The following TNNI3K variants were observed in gnomAD, a reference collection of about 807,000 sequenced individuals.
The protein encoded by TNNI3K is serine/threonine-protein kinase TNNI3K.
Under a neutral mutation model 114.5 loss-of-function variants are expected in TNNI3K, and 140 were observed. The ratio of observed to expected loss-of-function variants is 1.22; its 90% CI spans 1.07 to 1.41. TNNI3K has a LOEUF of 1.41. Among genes scored for constraint, TNNI3K ranks in the 40% most tolerant of loss-of-function variants. TNNI3K has a pLI of 0.00. For synonymous variants in TNNI3K, 347 were observed against 347.5 expected, an observed-to-expected ratio of 1.00 and a Z score of 0.02; for missense variants, 1,125 against 1,007.6, an observed-to-expected ratio of 1.12 and a Z score of -1.58.
chr1:74,251,270 G>A (rs942753299), intron 4 of TNNI3K, among the ~76,000 whole-genome samples: 15 of 152,166 alleles, frequency 9.9e-5, no homozygotes, highest in African/African-American at 2.9e-4. Context: ...CTCAGCACCT[G>A]ATAGAATAAT....
rs1452242064 is a variant in TNNI3K, at chr1:74,353,981, A to T, written c.1029A>T (p.Gly343=). 6.2e-7 allele frequency: 1 copy of T among 1,612,504 alleles called. No homozygotes were observed. Residue 343 remains glycine, a splice_region_variant and synonymous_variant, in exon 11 of 25, where the codon GGA becomes GGT. Coordinates refer to ENST00000326637, the MANE Select transcript of TNNI3K (RefSeq NM_015978.3). ...TCTTTCAATTCTTTTCTATTACAGG[A>T]TTACACTCTGCTTGCTACCACGGTC... ...INHQGRDGHT[G]LHSACYHGHI...
chr1:74,484,611 G>T (rs909872490), intron 21 of TNNI3K, among the ~76,000 whole-genome samples: 4 of 152,126 alleles, frequency 2.6e-5, no homozygotes, highest in Admixed American at 2.0e-4. Context: ...AGCTGGAGAA[G>T]GTGAAGGCAT....
chr1:74,492,864 C>G (rs1037340054), intron 23 of TNNI3K, among the ~76,000 whole-genome samples: 1 of 152,164 alleles, frequency 6.6e-6, no homozygotes, highest in Non-Finnish European at 1.5e-5. Flanking sequence ...TTTCCGCAGT[C>G]TGAAAGCTGG....
intron 5 of TNNI3K, among the ~76,000 whole-genome samples, chr1:74,328,093 T>C (rs1660009511): frequency 6.6e-6 from 1 of 152,164 alleles, no homozygotes; most frequent in African/African-American, 2.4e-5. Flanking sequence ...AAAAATTCTA[T>C]CATATAATTA....
chr1:74,394,867 AC>A (rs1458352003), intron 17 of TNNI3K, among the ~76,000 whole-genome samples: 1 of 151,770 alleles, frequency 6.6e-6, no homozygotes, highest in Non-Finnish European at 1.5e-5. Context: ...ACATGGTGAA[AC>A]CCCGTCTCTA....
chr1:74,525,324 G>A (rs1039841738), intron 23 of TNNI3K, among the ~76,000 whole-genome samples: 5 of 152,156 alleles, frequency 3.3e-5, no homozygotes, highest in Admixed American at 2.0e-4. Context: ...ACCTACATGT[G>A]TGATAAGTAT....
rs1333101966 is a variant in TNNI3K, at chr1:74,387,938, A to G, written c.1772+17546A>G. Among the ~76,000 whole-genome samples the G allele has an allele frequency of 2.6e-5, 4 of 152,140 alleles. No individual in the cohort carries two copies. In the East Asian group the frequency reaches 5.8e-4, roughly 22 times the overall value. On this transcript the variant is annotated intron_variant, in intron 17 of 24. Transcript: ENST00000326637. ...TGTTTGAATGTGTGTTTATTAAGGT[A>G]TCAACTCTCATATCTTTGTTACAAG...
At chr1:74,358,566 T>C (rs1661781963) in intron 11 of TNNI3K, among the ~76,000 whole-genome samples, 2 of 152,078 alleles carry the variant, frequency 1.3e-5, no homozygotes, top group African/African-American at 4.8e-5. Flanking sequence ...TTAAATTATT[T>C]GATAAATTTT....
chr1:74,470,136 A>G (rs1667852807), intron 21 of TNNI3K: 1 of 400,708 alleles, frequency 2.5e-6, no homozygotes, highest in South Asian at 1.3e-4. Context: ...CATTACTGTT[A>G]ACTTCAGGAT....
At chr1:74,444,484 AG>A (rs1236197858) in intron 20 of TNNI3K, among the ~76,000 whole-genome samples, 5 of 152,190 alleles carry the variant, frequency 3.3e-5, no homozygotes, top group Admixed American at 6.5e-5. Context: ...AGAAAAGTGA[AG>A]GACCTCTTCA....
At position 74,348,908 on chromosome 1, in the gene TNNI3K, G is replaced by A. The variant is rs1017334111; in HGVS notation, c.933-4358G>A. Among the ~76,000 whole-genome samples, 172 of 152,250 alleles carry A rather than the reference G, an allele frequency of 1.1e-3. 3 individuals are homozygous for A. Among genetic ancestry groups the A allele is most frequent in the East Asian group, 7.7e-4 (4 of 5,182 alleles). On this transcript the variant is annotated intron_variant, in intron 9 of 24. Coordinates refer to ENST00000326637, the MANE Select transcript of TNNI3K (RefSeq NM_015978.3). ...AAGGAGATTTTGGGCTGAGACTATG[G>A]CGTTTTCTAGATATACAATCATGTC... is the stretch of plus-strand genomic sequence containing the variant.
chr1:74,298,209 G>C (rs1469765356), intron 5 of TNNI3K, among the ~76,000 whole-genome samples: 1 of 152,044 alleles, frequency 6.6e-6, no homozygotes, highest in African/African-American at 2.4e-5. Flanking sequence ...AGTAGAGTAG[G>C]CATAGATATA....
chr1:74,379,788 C>A (rs1663104450), intron 17 of TNNI3K, among the ~76,000 whole-genome samples: 1 of 152,068 alleles, frequency 6.6e-6, no homozygotes, highest in Non-Finnish European at 1.5e-5. Flanking sequence ...TTAATATTCT[C>A]CCCCCTATAC....
chr1:74,445,957 G>A (rs1169776009), intron 20 of TNNI3K, among the ~76,000 whole-genome samples: 1 of 152,152 alleles, frequency 6.6e-6, no homozygotes. Context: ...CATTTGGGTT[G>A]GTTCCAAGTC....
In TNNI3K at chr1:74,255,279, G is replaced by A. The variant is rs187288670; in HGVS notation, c.333+4510G>A. Among the ~76,000 whole-genome samples the A allele has an allele frequency of 3.8e-3, 572 of 150,482 alleles. 4 individuals carry two copies. Among genetic ancestry groups the A allele is most frequent in the African/African-American group, 0.013 (536 of 41,042 alleles). On this transcript the variant is annotated intron_variant, in intron 4 of 24. Coordinates refer to ENST00000326637, the MANE Select transcript of TNNI3K (RefSeq NM_015978.3). Reference sequence around the variant, plus strand: ...TGAGGCGGGAGAATGGCGTGAACCCGGGAGGCGGAGCTTGCAGTGAGCCGA... The same window carrying A: ...TGAGGCGGGAGAATGGCGTGAACCCAGGAGGCGGAGCTTGCAGTGAGCCGA...
intron 17 of TNNI3K, among the ~76,000 whole-genome samples, chr1:74,426,642 C>T (rs1665653453): frequency 1.3e-5 from 2 of 151,888 alleles, no homozygotes; most frequent in South Asian, 2.1e-4. Flanking sequence ...TTTTGTTTCC[C>T]TCACCTCCCC....
At chr1:74,308,120 C>T (rs1365242843) in intron 5 of TNNI3K, among the ~76,000 whole-genome samples, 1 of 151,784 alleles carries the variant, frequency 6.6e-6, no homozygotes, top group East Asian at 1.9e-4. Context: ...GGCAGAAAAC[C>T]AACAAAGAAA....
chr1:74,276,857 A>G (rs1332487494), intron 5 of TNNI3K, among the ~76,000 whole-genome samples: 2 of 152,124 alleles, frequency 1.3e-5, no homozygotes, highest in Non-Finnish European at 2.9e-5. Context: ...AGAAGAGAAC[A>G]TGTGCTGCAG....
intron 11 of TNNI3K, among the ~76,000 whole-genome samples, chr1:74,364,778 G>A (rs1346657806): frequency 6.6e-6 from 1 of 151,334 alleles, no homozygotes; most frequent in Non-Finnish European, 1.5e-5. Context: ...GAAGCAATAG[G>A]AAGGGGGCTA....
Sources: gnomAD v4.1 joint callset for allele counts (sites outside exome capture counted in the v4.1 genomes callset) on GRCh38, gnomAD v4.1.1 for gene constraint, MANE v1.5 for transcripts, NCBI Gene and HGNC (gene_info 2026-07-23, HGNC 2026-07-21) for gene names.